KYNU: variants seen among roughly 807,000 people sequenced by gnomAD.
The protein encoded by KYNU is kynureninase, also known as L-kynurenine hydrolase.
Under a neutral mutation model 59.2 loss-of-function variants are expected in KYNU, and 54 were observed. The observed-to-expected ratio is 0.91, with a 90% CI of 0.73 to 1.14. The LOEUF (loss-of-function observed/expected upper bound fraction) is 1.14. KYNU is among the 50% of genes most tolerant of loss of function. KYNU has a pLI of 0.00. For missense variants in KYNU, 567 were observed against 554.4 expected, an observed-to-expected ratio of 1.02 and a Z score of -0.23; for synonymous variants, 177 against 192.0, an observed-to-expected ratio of 0.92 and a Z score of 0.65.
chr2:142,929,020 A>AAC (rs1683128421), intron 4 of KYNU, among the ~76,000 whole-genome samples: 1 of 147,070 alleles, frequency 6.8e-6, no homozygotes, highest in Non-Finnish European at 1.5e-5. Flanking sequence ...AAAAAAAAAA[A>AAC]AAAAACAAAA....
At chr2:142,920,127 T>C (rs1428437678) in intron 3 of KYNU, among the ~76,000 whole-genome samples, 6 of 152,196 alleles carry the variant, frequency 3.9e-5, no homozygotes, top group African/African-American at 1.2e-4. Flanking sequence ...GGCTATTAGA[T>C]AACACTGTGA....
intron 4 of KYNU, among the ~76,000 whole-genome samples, chr2:142,929,359 CAAAAAAAAAAA>C (rs5834929): frequency 0.014 from 1,498 of 106,454 alleles, 27 homozygotes; most frequent in East Asian, 0.084. Context: ...TTGCCTTTCT[CAAAAAAAAAAA>C]AAAAAAAAAA....
Position 143,045,130 on chromosome 2 carries a change from A to C in KYNU, c.*2958A>C, listed in dbSNP as rs1038169972. 2.6e-5 allele frequency: 4 copies of C among 152,104 alleles called. No homozygotes were observed. The highest frequency in any genetic ancestry group is 7.2e-5 in the African/African-American group (3 of 41,424). The allele number at this position is 152,104 out of a possible 1,614,324, so 9.4% of individuals were successfully genotyped here. ...CTTGTTTTTGTCAGGTTTATCAAAGATCAGATGGTTGTAAATGTGTGGTGT... is the reference window on the plus strand; with the variant it reads ...CTTGTTTTTGTCAGGTTTATCAAAGCTCAGATGGTTGTAAATGTGTGGTGT... On this transcript the variant is annotated 3_prime_UTR_variant, in exon 14 of 14. Transcript: ENST00000264170.
intron 8 of KYNU, 118 bp downstream of exon 8, chr2:142,960,888 GTT>G: frequency 1.4e-6 from 1 of 734,470 alleles, no homozygotes; most frequent in South Asian, 2.9e-5. Flanking sequence ...TATTTCAAAA[GTT>G]AAAAAAAAAA....
At chr2:143,022,134 A>G (rs528562021) in intron 10 of KYNU, among the ~76,000 whole-genome samples, 25 of 152,250 alleles carry the variant, frequency 1.6e-4, no homozygotes, top group Admixed American at 1.4e-3. Context: ...ATTAACGAAA[A>G]TTACTTCGGT....
chr2:142,998,612 T>C (rs1316659703), intron 10 of KYNU, among the ~76,000 whole-genome samples: 2 of 152,182 alleles, frequency 1.3e-5, no homozygotes, highest in Non-Finnish European at 2.9e-5. Flanking sequence ...GTGTCTAGGA[T>C]CATGCATTTT....
Position 143,047,579 on chromosome 2 carries a change from G to A in KYNU, c.*5407G>A, listed in dbSNP as rs1007785641. 6.7e-6 allele frequency: 1 copy of A among 149,032 alleles called. No homozygotes were observed. The allele number at this position is 149,032 out of a possible 1,614,324, so 9.2% of individuals were successfully genotyped here. ...TCTTTCTTTCTTTCTTTCTCACAGG[G>A]TGTCACTCTGTTGCCCAGGCGGAGT... On this transcript the variant is annotated 3_prime_UTR_variant, in exon 14 of 14. Coordinates refer to ENST00000264170, the MANE Select transcript of KYNU (RefSeq NM_003937.3).
intron 10 of KYNU, among the ~76,000 whole-genome samples, chr2:143,026,163 A>G (rs975216988): frequency 6.6e-5 from 10 of 152,220 alleles, no homozygotes; most frequent in African/African-American, 1.9e-4. Flanking sequence ...CATACATGTT[A>G]TTGTTTTAAA....
intron 8 of KYNU, among the ~76,000 whole-genome samples, chr2:142,970,784 G>A (rs1338036748): frequency 6.6e-6 from 1 of 152,154 alleles, no homozygotes; most frequent in Admixed American, 6.6e-5. Flanking sequence ...TTTTGCATAT[G>A]CTGAATTATC....
intron 2 of KYNU, among the ~76,000 whole-genome samples, chr2:142,911,388 C>T (rs1682475234): frequency 6.6e-6 from 1 of 151,956 alleles, no homozygotes; most frequent in Non-Finnish European, 1.5e-5. Context: ...TAGAAATGCT[C>T]CTGATTTTTT....
chr2:143,021,767 C>T (rs891059645), intron 10 of KYNU, among the ~76,000 whole-genome samples: 8 of 152,010 alleles, frequency 5.3e-5, no homozygotes, highest in African/African-American at 1.7e-4. Flanking sequence ...GCCCCACCTT[C>T]GACATTGGGA....
intron 7 of KYNU, among the ~76,000 whole-genome samples, chr2:142,959,302 C>G (rs1684264156): frequency 6.6e-6 from 1 of 152,182 alleles, no homozygotes; most frequent in East Asian, 1.9e-4. Flanking sequence ...GGAGAAAATT[C>G]ATGGCTGGGT....
At chr2:142,935,761 C>T (rs759178998) in intron 4 of KYNU, among the ~76,000 whole-genome samples, 9 of 151,774 alleles carry the variant, frequency 5.9e-5, no homozygotes, top group Non-Finnish European at 8.8e-5. Flanking sequence ...GAGTATGGGC[C>T]GGAGGGAAGG....
At chr2:142,999,979 G>T (rs1353623936) in intron 10 of KYNU, among the ~76,000 whole-genome samples, 1 of 151,996 alleles carries the variant, frequency 6.6e-6, no homozygotes, top group Non-Finnish European at 1.5e-5. Flanking sequence ...ATTTCATTAA[G>T]ATTGAAGATC....
At chr2:142,982,761 C>T (rs921130253) in intron 8 of KYNU, among the ~76,000 whole-genome samples, 2 of 152,184 alleles carry the variant, frequency 1.3e-5, no homozygotes, top group Admixed American at 6.5e-5. Context: ...AGCTGGCTCA[C>T]ATTGAGGATC....
intron 4 of KYNU, chr2:142,947,765 G>A (rs1176387832): frequency 6.6e-6 from 1 of 152,530 alleles, no homozygotes; most frequent in Non-Finnish European, 1.5e-5. Context: ...TTATATGTAA[G>A]TTTATAAGAA....
chr2:143,023,599 T>C (rs954804361), intron 10 of KYNU, among the ~76,000 whole-genome samples: 1 of 151,908 alleles, frequency 6.6e-6, no homozygotes, highest in African/African-American at 2.4e-5. Context: ...TATTGTGTTA[T>C]GAACAGCAAT....
At chr2:142,963,241 C>A (rs1419717338) in intron 8 of KYNU, among the ~76,000 whole-genome samples, 1 of 151,950 alleles carries the variant, frequency 6.6e-6, no homozygotes, top group Non-Finnish European at 1.5e-5. Context: ...AACCATCACC[C>A]CATCAAGAAA....
chr2:142,878,310 G>T (rs966753846), intron 1 of KYNU, among the ~76,000 whole-genome samples: 5 of 151,934 alleles, frequency 3.3e-5, no homozygotes, highest in African/African-American at 1.2e-4. Flanking sequence ...CCAGTGGGGT[G>T]TTATTTAGTA....
Sources: allele counts gnomAD v4.1 joint callset (sites outside exome capture counted in the v4.1 genomes callset), GRCh38; gene constraint gnomAD v4.1.1; transcripts MANE v1.5; gene names NCBI Gene and HGNC (gene_info 2026-07-23, HGNC 2026-07-21).